Variants in FAAH2 observed in about 807,000 individuals in gnomAD.
FAAH2 encodes the protein fatty-acid amide hydrolase 2.
A neutral mutation model predicts 36.9 loss-of-function variants in FAAH2; 60 were observed. The ratio of observed to expected loss-of-function variants is 1.63; its 90% CI spans 1.32 to 2.02. FAAH2 has a LOEUF of 2.02. FAAH2 is among the 30% of genes most tolerant of loss of function. The probability of loss-of-function intolerance (pLI) is 0.00; values close to 1 mark genes in which losing one functional copy is unlikely to be tolerated. For synonymous variants in FAAH2, 214 were observed against 143.8 expected (o/e 1.49, Z -3.49); for missense variants, 689 against 397.5 (o/e 1.73, Z -6.23).
chrX:57,293,674 T>A (rs1055663850), intron 2 of FAAH2, among the ~76,000 whole-genome samples: 1 of 111,851 alleles, frequency 8.9e-6, no homozygotes, highest in Non-Finnish European at 1.9e-5. Context: ...ATTATTTAAA[T>A]TTTCTGTTGC....
At chrX:57,202,746 G>A in the FAAH2 span, among the ~76,000 whole-genome samples, 1 of 111,866 alleles carries the variant, frequency 8.9e-6, no homozygotes, top group South Asian at 3.7e-4. Flanking sequence ...CAAGTCCCTG[G>A]GAAAGTCTGT....
At chrX:57,473,988 C>T (rs1301819770) in intron 10 of FAAH2, among the ~76,000 whole-genome samples, 2 of 110,976 alleles carry the variant, frequency 1.8e-5, no homozygotes, top group Non-Finnish European at 3.8e-5. Context: ...AGTATTTATG[C>T]CATTTACATG....
intron 10 of FAAH2, among the ~76,000 whole-genome samples, 173 bp from the exon 11 acceptor site, chrX:57,488,581 CTTG>C (rs1446221001): frequency 9.0e-6 from 1 of 111,506 alleles, no homozygotes. Context: ...ATATTATGAG[CTTG>C]TTGTGATGTC....
chrX:57,465,334 A>G (rs1367311299), intron 10 of FAAH2, among the ~76,000 whole-genome samples: 1 of 111,620 alleles, frequency 9.0e-6, no homozygotes, highest in Non-Finnish European at 1.9e-5. Flanking sequence ...ATGAATCAAA[A>G]AAAGTTTGAG....
the FAAH2 span, among the ~76,000 whole-genome samples, chrX:57,202,918 C>A: frequency 2.7e-5 from 3 of 112,060 alleles, no homozygotes; most frequent in African/African-American, 9.7e-5. Flanking sequence ...ATCATCACCA[C>A]CACCAGAGCC....
intron 7 of FAAH2, among the ~76,000 whole-genome samples, chrX:57,428,745 G>C (rs1023947335): frequency 8.9e-6 from 1 of 111,852 alleles, no homozygotes; most frequent in Non-Finnish European, 1.9e-5. Flanking sequence ...TATCACAAAT[G>C]TATTAAAGGC....
intron 5 of FAAH2, among the ~76,000 whole-genome samples, chrX:57,352,699 G>C (rs774752614): frequency 7.2e-5 from 8 of 111,074 alleles, no homozygotes; most frequent in Non-Finnish European, 1.1e-4. Context: ...TATAATCTTA[G>C]ATATAGAAAA....
At chrX:57,196,957 T>C in the FAAH2 span, among the ~76,000 whole-genome samples, 1 of 112,236 alleles carries the variant, frequency 8.9e-6, no homozygotes, top group Non-Finnish European at 1.9e-5. Flanking sequence ...CTTTATTTCT[T>C]CAAGTAAGTT....
At chrX:57,427,401 C>A (rs969090413) in intron 7 of FAAH2, among the ~76,000 whole-genome samples, 2 of 110,700 alleles carry the variant, frequency 1.8e-5, no homozygotes, top group Admixed American at 1.9e-4. Flanking sequence ...TTCTATGATG[C>A]CAGTATCACC....
chrX:57,480,190 G>A (rs1331402451), intron 10 of FAAH2, among the ~76,000 whole-genome samples: 1 of 111,374 alleles, frequency 9.0e-6, no homozygotes, highest in African/African-American at 3.3e-5. Context: ...GGTACAGGGA[G>A]GAACTGGTAC....
chrX:57,199,287 T>A, the FAAH2 span, among the ~76,000 whole-genome samples: 1 of 111,809 alleles, frequency 8.9e-6, no homozygotes, highest in African/African-American at 3.2e-5. Context: ...TTGTGTTTTT[T>A]TTATCAGTTG....
chrX:57,265,409 A>G, the FAAH2 span, among the ~76,000 whole-genome samples: 1 of 111,870 alleles, frequency 8.9e-6, no homozygotes, highest in Non-Finnish European at 1.9e-5. Context: ...AGTTACAGGT[A>G]GCAGAGTTGT....
At chrX:57,367,166 G>A (rs185517762) in intron 5 of FAAH2, among the ~76,000 whole-genome samples, 123 of 112,744 alleles carry the variant, frequency 1.1e-3, no homozygotes, top group Admixed American at 3.5e-3. Flanking sequence ...AAGTGATAAC[G>A]TATTCAGATA....
At chrX:57,151,443 G>C in the FAAH2 span, among the ~76,000 whole-genome samples, 8 of 111,565 alleles carry the variant, frequency 7.2e-5, no homozygotes, top group African/African-American at 2.6e-4. Context: ...CATATTTCTT[G>C]GAGGCTTTGT....
At chrX:57,485,064 T>C (rs766254841) in intron 10 of FAAH2, among the ~76,000 whole-genome samples, 2 of 111,652 alleles carry the variant, frequency 1.8e-5, no homozygotes, top group African/African-American at 3.2e-5. Flanking sequence ...AAATATTCAG[T>C]TGGGGGCAAG....
chrX:57,122,407 A>C, the FAAH2 span, among the ~76,000 whole-genome samples: 21 of 112,088 alleles, frequency 1.9e-4, no homozygotes, highest in African/African-American at 6.8e-4. Flanking sequence ...TTCTCCCAGT[A>C]CTGGGCATTT....
intron 7 of FAAH2, among the ~76,000 whole-genome samples, chrX:57,414,428 G>C (rs1230661831): frequency 1.8e-5 from 2 of 111,675 alleles, no homozygotes; most frequent in Non-Finnish European, 3.8e-5. Flanking sequence ...AGCATGAAAG[G>C]GTGTTGAATT....
the FAAH2 span, among the ~76,000 whole-genome samples, chrX:57,212,680 G>C: frequency 8.9e-6 from 1 of 112,326 alleles, no homozygotes; most frequent in African/African-American, 3.2e-5. Flanking sequence ...AATTTTTAAA[G>C]TATAAAAAGA....
chrX:57,355,349 A>G (rs2054133076), intron 5 of FAAH2, among the ~76,000 whole-genome samples: 1 of 111,066 alleles, frequency 9.0e-6, no homozygotes, highest in African/African-American at 3.3e-5. Flanking sequence ...TTAGGGAACA[A>G]TGTGAAATTT....
Sources: allele counts gnomAD v4.1 joint callset (sites outside exome capture counted in the v4.1 genomes callset), GRCh38; gene constraint gnomAD v4.1.1; transcripts MANE v1.5; gene names NCBI Gene and HGNC (gene_info 2026-07-23, HGNC 2026-07-21).